Variants in PTPRB observed in about 807,000 individuals in gnomAD.
PTPRB encodes the protein protein tyrosine phosphatase receptor type B.
Under a neutral mutation model 238.1 loss-of-function variants are expected in PTPRB, and 97 were observed. The ratio of observed to expected loss-of-function variants is 0.41; its 90% CI spans 0.35 to 0.48. The LOEUF is 0.48. Ranked by LOEUF, PTPRB falls within the 20% of genes least tolerant of loss-of-function variation. The pLI, the probability that PTPRB is intolerant of heterozygous loss-of-function variation, is 0.30. For missense variants in PTPRB, 2,292 were observed against 2,681.9 expected (o/e 0.85, Z 3.21); for synonymous variants, 970 against 995.4 (o/e 0.97, Z 0.48).
intron 4 of PTPRB, among the ~76,000 whole-genome samples, chr12:70,598,631 C>T (rs1358036874): frequency 3.9e-5 from 6 of 152,188 alleles, no homozygotes; most frequent in African/African-American, 1.4e-4. Flanking sequence ...AACTCAAGAA[C>T]AATGCTGTCG....
chr12:70,564,850 AAT>A (rs1223006303), intron 15 of PTPRB, among the ~76,000 whole-genome samples: 6 of 29,168 alleles, frequency 2.1e-4, no homozygotes, highest in Admixed American at 1.2e-3. Flanking sequence ...AATAAATAAT[AAT>A]AATAATAATA....
At chr12:70,534,451 T>C in intron 31 of PTPRB, 37 bp downstream of exon 31, 2 of 1,602,420 alleles carry the variant, frequency 1.2e-6, no homozygotes, top group African/African-American at 1.3e-5. Flanking sequence ...AACCCCCTTA[T>C]GGCTGCCATT....
At chr12:70,537,235 A>C (rs1329746319) in intron 28 of PTPRB, among the ~76,000 whole-genome samples, 4 of 145,664 alleles carry the variant, frequency 2.7e-5, no homozygotes, top group African/African-American at 5.1e-5. Context: ...TGCAGTGAGC[A>C]GAGATCGCGC....
At chr12:70,530,723 T>A (rs77441428) in intron 32 of PTPRB, among the ~76,000 whole-genome samples, 5,655 of 152,188 alleles carry the variant, frequency 0.037, 356 homozygotes, top group African/African-American at 0.13. Context: ...ATACTATTTT[T>A]CCTAGTTTTG....
intron 31 of PTPRB, 36 bp from the exon 32 acceptor site, chr12:70,532,206 A>G (rs766974429): frequency 1.3e-6 from 2 of 1,534,514 alleles, no homozygotes; most frequent in South Asian, 2.5e-5. Context: ...GAGCCTTTTT[A>G]TTAAATTTGC....
rs1007071186 is a variant in PTPRB, at chr12:70,558,213, T to G, written c.4714+1130A>C. ...AGTGCAGGGTGTTCTGCTTAGCAGA[T>G]TTCATGAACACAGCCCACAGTCAGC... On this transcript the variant is annotated intron_variant, in intron 18 of 33. Coordinates refer to ENST00000334414, the MANE Select transcript of PTPRB (RefSeq NM_001109754.4). Among the ~76,000 whole-genome samples, 3 of 152,172 alleles carry G rather than the reference T, an allele frequency of 2.0e-5. No homozygotes were observed. In the East Asian group the frequency reaches 5.8e-4, roughly 29 times the overall value.
chr12:70,571,015 T>A lies in PTPRB; in HGVS notation c.3370+11A>T. 1 of 1,613,340 alleles carries A rather than the reference T, an allele frequency of 6.2e-7. No homozygotes were observed. Among genetic ancestry groups the A allele is most frequent in the Non-Finnish European group, 8.5e-7 (1 of 1,179,430 alleles). On this transcript the variant is annotated intron_variant, in intron 13 of 33. Transcript: ENST00000334414. ...CATCTATTCAGGTTCAAGAACAGTA[T>A]TTCACATTACCTGTGAAGCCCTCAA... is the stretch of plus-strand genomic sequence containing the variant.
At chr12:70,534,770 T>G (rs1417978473) in intron 30 of PTPRB, 63 bp downstream of exon 30, 2 of 1,602,678 alleles carry the variant, frequency 1.2e-6, no homozygotes, top group Admixed American at 1.7e-5. Context: ...CCAGCGAAAG[T>G]GGGGTTCACA....
At chr12:70,571,464 G>T in intron 12 of PTPRB, 175 bp from the exon 13 acceptor site, 1 of 669,214 alleles carries the variant, frequency 1.5e-6, no homozygotes, top group Non-Finnish European at 2.5e-6. Flanking sequence ...TTAACATTGT[G>T]GTTTTTTCCT....
intron 31 of PTPRB, among the ~76,000 whole-genome samples, chr12:70,533,810 G>A (rs1873668066): frequency 6.6e-6 from 1 of 152,116 alleles, no homozygotes; most frequent in African/African-American, 2.4e-5. Context: ...GTCTGCTCTG[G>A]AGGACACAGT....
Position 70,590,127 on chromosome 12 carries a change from T to A in PTPRB, c.1887A>T (p.Leu629=), listed in dbSNP as rs764682240. ...PAGDWEQYRI[L]LFNDSVVLLN... ...GCAGCACCACAGAATCATTGAAGAG[T>A]AGGATCCGATACTGCTCCCAGTCTC... Residue 629 remains leucine, a synonymous_variant, in exon 8 of 34, where the codon CTA becomes CTT. Coordinates refer to ENST00000334414, the MANE Select transcript of PTPRB (RefSeq NM_001109754.4). The A allele has an allele frequency of 6.2e-7, 1 of 1,613,672 alleles. No individual in the cohort carries two copies.
chr12:70,592,385 A>T lies in PTPRB; in HGVS notation c.1677T>A (p.Thr559=). The T allele has an allele frequency of 6.2e-7, 1 of 1,613,958 alleles. No individual in the cohort carries two copies. Among genetic ancestry groups the T allele is most frequent in the Non-Finnish European group, 8.5e-7 (1 of 1,179,850 alleles). Residue 559 remains threonine, a synonymous_variant, in exon 7 of 34, where the codon ACT becomes ACA. Coordinates refer to ENST00000334414, the MANE Select transcript of PTPRB (RefSeq NM_001109754.4). ...KESRVLAPWI[T]ETHFKELVPG... ...GGACTAACTCTTTAAAGTGAGTTTC[A>T]GTAATCCAAGGTGCTAATACTCTGG...
intron 2 of PTPRB, among the ~76,000 whole-genome samples, chr12:70,626,235 C>T (rs1885168205): frequency 7.0e-6 from 1 of 142,750 alleles, no homozygotes; most frequent in African/African-American, 2.6e-5. Context: ...AGCAAATCAT[C>T]TGGAAAAAAG....
intron 26 of PTPRB, 44 bp downstream of exon 26, chr12:70,539,581 C>G (rs1278075829): frequency 2.8e-6 from 4 of 1,413,432 alleles, no homozygotes; most frequent in Non-Finnish European, 3.9e-6. Context: ...GGAAATTCTG[C>G]TAAGAACTAG....
chr12:70,623,944 G>A (rs779704847), intron 2 of PTPRB, among the ~76,000 whole-genome samples: 47 of 152,010 alleles, frequency 3.1e-4, no homozygotes, highest in Admixed American at 6.6e-4. Flanking sequence ...GGCGATGAGG[G>A]CACAAAAAGA....
At chr12:70,621,911 A>C (rs1370884497) in intron 3 of PTPRB, among the ~76,000 whole-genome samples, 1 of 152,216 alleles carries the variant, frequency 6.6e-6, no homozygotes, top group Non-Finnish European at 1.5e-5. Context: ...AGGTGGTTCA[A>C]GGGTATTGAT....
chr12:70,538,282 A>G, intron 27 of PTPRB, 51 bp from the exon 28 acceptor site: 1 of 1,492,802 alleles, frequency 6.7e-7, no homozygotes, highest in Non-Finnish European at 9.3e-7. Context: ...TCTACAGTTT[A>G]TGTGATGTGT....
chr12:70,598,121 G>T (rs988984057), intron 4 of PTPRB, among the ~76,000 whole-genome samples: 1 of 152,184 alleles, frequency 6.6e-6, no homozygotes, highest in African/African-American at 2.4e-5. Context: ...ACAGCCCTTT[G>T]GTTCACCTGA....
At chr12:70,556,566 G>A (rs11830201) in intron 18 of PTPRB, among the ~76,000 whole-genome samples, 3,302 of 152,226 alleles carry the variant, frequency 0.022, 126 homozygotes, top group African/African-American at 0.075. Context: ...GGGAATACCA[G>A]AAGAAGAAAG....
Sources: allele counts gnomAD v4.1 joint callset (sites outside exome capture counted in the v4.1 genomes callset), GRCh38; gene constraint gnomAD v4.1.1; transcripts MANE v1.5; gene names NCBI Gene and HGNC (gene_info 2026-07-23, HGNC 2026-07-21).